The following NHS variants were observed in gnomAD, a reference collection of about 807,000 sequenced individuals.
The protein encoded by NHS is NHS actin remodeling regulator, also known as actin remodeling regulator NHS.
In NHS, 5 loss-of-function variants were observed where a neutral mutation model predicts 72.5. The ratio of observed to expected loss-of-function variants is 0.07; its 90% CI spans 0.04 to 0.14. The LOEUF (loss-of-function observed/expected upper bound fraction) is 0.14. NHS is among the 10% of genes least tolerant of loss of function. The pLI is 1.00. For missense variants in NHS, 1,072 were observed against 1,355.7 expected (o/e 0.79, Z 3.29); for synonymous variants, 464 against 547.7 (o/e 0.85, Z 2.13).
At chrX:17,650,595 A>G (rs186597012) in intron 1 of NHS, among the ~76,000 whole-genome samples, 1 of 112,205 alleles carries the variant, frequency 8.9e-6, no homozygotes, top group East Asian at 2.8e-4. Context: ...AAAGGACCAC[A>G]TTCCCACCTA....
intron 1 of NHS, among the ~76,000 whole-genome samples, chrX:17,489,589 G>A (rs914316319): frequency 8.0e-5 from 9 of 111,933 alleles, no homozygotes; most frequent in East Asian, 2.8e-4. Context: ...CTGGGTTCAC[G>A]CCATTCTCCT....
At chrX:17,423,428 A>G (rs142925872) in intron 1 of NHS, among the ~76,000 whole-genome samples, 153 of 111,529 alleles carry the variant, frequency 1.4e-3, no homozygotes, top group Middle Eastern at 4.6e-3. Context: ...GCCTCCCCTA[A>G]CCAGACAGTC....
intron 1 of NHS, among the ~76,000 whole-genome samples, chrX:17,639,732 A>G (rs902734121): frequency 8.9e-6 from 1 of 112,393 alleles, no homozygotes; most frequent in African/African-American, 3.2e-5. Context: ...CCATCTCTTA[A>G]TACTGTTAAA....
chrX:17,652,548 T>C (rs2065935474), intron 1 of NHS, among the ~76,000 whole-genome samples: 1 of 111,377 alleles, frequency 9.0e-6, no homozygotes. Flanking sequence ...AAAGATCACA[T>C]AGAGAGTAGA....
intron 1 of NHS, among the ~76,000 whole-genome samples, chrX:17,415,898 C>T (rs1051461492): frequency 1.8e-5 from 2 of 111,628 alleles, no homozygotes; most frequent in South Asian, 3.8e-4. Context: ...TGCATGGGCT[C>T]GCTCTGGGTA....
intron 1 of NHS, among the ~76,000 whole-genome samples, chrX:17,541,767 A>AACAC (rs57700886): frequency 0.039 from 2,481 of 62,880 alleles, 79 homozygotes; most frequent in South Asian, 0.081. Context: ...TGAGTTTGCG[A>AACAC]ACACACACAC....
chrX:17,628,006 A>C (rs186739725), intron 1 of NHS, among the ~76,000 whole-genome samples: 119 of 112,940 alleles, frequency 1.1e-3, no homozygotes, highest in African/African-American at 3.8e-3. Flanking sequence ...TTGTGGAATG[A>C]AAGTTTTATT....
In NHS at chrX:17,661,064, A is replaced by G. The variant is rs1029464305; in HGVS notation, c.566-26678A>G. The stretch of plus-strand genomic sequence containing the variant: ...ATCATTTATGCCCTACGGAAGCATC[A>G]AGGCTGTAGATGTGACTGCCCAAAG... On this transcript the variant is annotated intron_variant, in intron 1 of 8. Transcript: ENST00000676302. Among the ~76,000 whole-genome samples, 191 of 111,614 alleles carry G rather than the reference A, an allele frequency of 1.7e-3. 1 individual carries two copies. The highest frequency in any genetic ancestry group is 9.4e-3 in the Middle Eastern group (2 of 213).
intron 1 of NHS, among the ~76,000 whole-genome samples, chrX:17,522,194 G>C (rs1475455637): frequency 8.9e-6 from 1 of 112,557 alleles, no homozygotes; most frequent in Non-Finnish European, 1.9e-5. Flanking sequence ...CGTGCTTTCT[G>C]ATTCTCTGCT....
At chrX:17,495,808 A>G (rs2065009807) in intron 1 of NHS, among the ~76,000 whole-genome samples, 1 of 112,151 alleles carries the variant, frequency 8.9e-6, no homozygotes, top group African/African-American at 3.2e-5. Context: ...GGAATTTAAT[A>G]TAAGGAATTG....
rs776391465 is a variant in NHS, at chrX:17,721,949, G to A, written c.1108+316G>A. ...ATTAATCATATGATAATGATGTGTG[G>A]CACTGCAAGAAAGAAAACAGCAAAC... On this transcript the variant is annotated intron_variant, in intron 5 of 8. Transcript: ENST00000676302. Among the ~76,000 whole-genome samples the A allele has an allele frequency of 2.2e-4, 25 of 111,887 alleles. No homozygotes were observed. The South Asian group carries it at 7.1e-3, about 32-fold the overall frequency.
intron 1 of NHS, among the ~76,000 whole-genome samples, chrX:17,626,809 G>A (rs2065799789): frequency 8.9e-6 from 1 of 112,067 alleles, no homozygotes. Context: ...GGGGAGAGCC[G>A]AAGAACATCT....
intron 1 of NHS, among the ~76,000 whole-genome samples, chrX:17,596,387 C>T (rs1430992869): frequency 8.9e-6 from 1 of 112,003 alleles, no homozygotes; most frequent in East Asian, 2.8e-4. Flanking sequence ...ATTCAAATAT[C>T]CCAGACATGC....
intron 1 of NHS, among the ~76,000 whole-genome samples, chrX:17,397,049 G>A (rs2064479076): frequency 8.9e-6 from 1 of 112,557 alleles, no homozygotes; most frequent in South Asian, 3.6e-4. Context: ...TAAAGCTAAA[G>A]ATAAGTTTAA....
intron 1 of NHS, among the ~76,000 whole-genome samples, chrX:17,497,106 CAT>C (rs748286922): frequency 5.8e-4 from 65 of 112,206 alleles, no homozygotes; most frequent in Non-Finnish European, 1.1e-3. Context: ...AATAGGTTCT[CAT>C]AAAAGAAATG....
At chrX:17,646,497 T>C (rs1344827761) in intron 1 of NHS, among the ~76,000 whole-genome samples, 1 of 111,585 alleles carries the variant, frequency 9.0e-6, no homozygotes, top group Admixed American at 9.5e-5. Context: ...CTCAACCCTA[T>C]CCTCAAACAA....
rs558962351 is a variant in NHS at position 17,489,180 on chromosome X, C to A, written c.565+112858C>A. Among the ~76,000 whole-genome samples the A allele has an allele frequency of 6.2e-5, 7 of 112,155 alleles. No homozygotes were observed. The South Asian group carries it at 2.2e-3, about 36-fold the overall frequency. On this transcript the variant is annotated intron_variant, in intron 1 of 8. Transcript: ENST00000676302. ...TGTATATGTGCCATATTTTCTTTAT[C>A]CAGTCTATCACTGATGGGCATTTGG...
At chrX:17,594,197 T>C (rs1214176340) in intron 1 of NHS, among the ~76,000 whole-genome samples, 2 of 112,329 alleles carry the variant, frequency 1.8e-5, no homozygotes, top group Non-Finnish European at 3.8e-5. Context: ...TTACCCACTT[T>C]ATATAATAAG....
chrX:17,414,980 C>A (rs992244464), intron 1 of NHS, among the ~76,000 whole-genome samples: 7 of 111,314 alleles, frequency 6.3e-5, no homozygotes. Flanking sequence ...GGCAACACTG[C>A]ATGGGGGCGG....
Sources: allele counts gnomAD v4.1 joint callset (sites outside exome capture counted in the v4.1 genomes callset), GRCh38; gene constraint gnomAD v4.1.1; transcripts MANE v1.5; gene names NCBI Gene and HGNC (gene_info 2026-07-23, HGNC 2026-07-21).